Variants in PIGN observed in about 807,000 individuals in gnomAD.
PIGN encodes the protein GPI ethanolamine phosphate transferase 1.
A neutral mutation model predicts 125.4 loss-of-function variants in PIGN; 117 were observed. The observed-to-expected ratio is 0.93, with a 90% CI of 0.80 to 1.09. The LOEUF is 1.09. PIGN is among the 50% of genes least tolerant of loss of function. The pLI is 0.00. For missense variants in PIGN, 1,075 were observed against 1,094.9 expected (o/e 0.98, Z 0.26); for synonymous variants, 392 against 377.8 (o/e 1.04, Z -0.44).
At chr18:62,083,622 T>G (rs539395861) in intron 27 of PIGN, among the ~76,000 whole-genome samples, 41 of 152,146 alleles carry the variant, frequency 2.7e-4, no homozygotes, top group Admixed American at 1.5e-3. Flanking sequence ...TGTCTTTCTT[T>G]CTTGCTTGCT....
At chr18:62,086,616 T>TG (rs1248280388) in intron 25 of PIGN, among the ~76,000 whole-genome samples, 2 of 105,176 alleles carry the variant, frequency 1.9e-5, no homozygotes, top group Non-Finnish European at 3.7e-5. Flanking sequence ...ACTCCGTTTT[T>TG]TGTTTTTTTT....
chr18:62,027,340 G>A (rs778896825), intron 23 of PIGN, among the ~76,000 whole-genome samples: 1 of 152,226 alleles, frequency 6.6e-6, no homozygotes, highest in East Asian at 1.9e-4. Flanking sequence ...ATTTTGTCAA[G>A]GTTGAGGACA....
intron 29 of PIGN, among the ~76,000 whole-genome samples, chr18:62,073,399 C>T (rs947269963): frequency 3.9e-5 from 6 of 152,072 alleles, no homozygotes; most frequent in African/African-American, 9.7e-5. Context: ...CCTATATATA[C>T]ATCAAGAGTC....
intron 7 of PIGN, among the ~76,000 whole-genome samples, chr18:62,151,745 G>T (rs2036543360): frequency 1.3e-5 from 2 of 152,204 alleles, no homozygotes; most frequent in Admixed American, 6.5e-5. Context: ...TCTGCCTTAT[G>T]ACCCCCAGTC....
intron 14 of PIGN, among the ~76,000 whole-genome samples, chr18:62,119,353 C>T (rs191916212): frequency 6.6e-6 from 1 of 151,862 alleles, no homozygotes; most frequent in East Asian, 1.9e-4. Flanking sequence ...GGTACAGATG[C>T]TAAAATAATT....
intron 23 of PIGN, among the ~76,000 whole-genome samples, chr18:62,022,334 G>A (rs534880429): frequency 6.6e-6 from 1 of 152,272 alleles, no homozygotes; most frequent in African/African-American, 2.4e-5. Context: ...TTTAACCTTA[G>A]TTAATAAACA....
intron 1 of PIGN, among the ~76,000 whole-genome samples, chr18:62,181,191 A>T (rs1178085670): frequency 6.6e-6 from 1 of 152,194 alleles, no homozygotes; most frequent in East Asian, 1.9e-4. Flanking sequence ...ATAATAAAAA[A>T]TTGGAAACAA....
chr18:62,145,895 AG>A lies in PIGN; in HGVS notation c.922+13del. On this transcript the variant is annotated intron_variant, in intron 10 of 30. Coordinates refer to ENST00000640252, the MANE Select transcript of PIGN (RefSeq NM_176787.5). The stretch of plus-strand genomic sequence containing the variant: ...AGAGGTTGTATTTATAAACCAGTAA[AG>A]AAATGCTTGTACCTTTCAAAAATGC... 3 of 1,278,568 alleles carry A rather than the reference AG, an allele frequency of 2.3e-6. No individual in the cohort carries two copies. Among genetic ancestry groups the A allele is most frequent in the Non-Finnish European group, 3.4e-6 (3 of 879,790 alleles). The allele number at this position is 1,278,568 out of a possible 1,614,324, so 79.2% of individuals were successfully genotyped here. A position where few individuals can be genotyped will look rare whatever the true frequency, so the allele number is the denominator to read the frequency against.
At chr18:62,083,287 A>C (rs980073138) in intron 27 of PIGN, among the ~76,000 whole-genome samples, 1 of 152,284 alleles carries the variant, frequency 6.6e-6, no homozygotes, top group Non-Finnish European at 1.5e-5. Flanking sequence ...AACATTTGAA[A>C]TAAAGCTATA....
chr18:62,104,569 C>T (rs971886802), intron 20 of PIGN, among the ~76,000 whole-genome samples: 1 of 152,128 alleles, frequency 6.6e-6, no homozygotes, highest in Admixed American at 6.6e-5. Flanking sequence ...GAATTCAATA[C>T]AATTATTTTG....
chr18:62,106,782 C>A lies in PIGN; in HGVS notation c.1767+7G>T, dbSNP rs781521846. The A allele has an allele frequency of 6.3e-7, 1 of 1,587,734 alleles. No individual in the cohort carries two copies. Among genetic ancestry groups the A allele is most frequent in the South Asian group, 1.1e-5 (1 of 88,040 alleles). On this transcript the variant is annotated splice_region_variant and intron_variant, in intron 19 of 30. Coordinates refer to ENST00000640252, the MANE Select transcript of PIGN (RefSeq NM_176787.5). ...AATCTGTCCTATGTCAAAATGAGTA[C>A]TCATACCTTTGCTCGAGTCCACAGC...
At chr18:62,027,719 GT>G (rs2144879059) in intron 23 of PIGN, among the ~76,000 whole-genome samples, 1 of 152,212 alleles carries the variant, frequency 6.6e-6, no homozygotes, top group South Asian at 2.1e-4. Context: ...GCAATTTTGG[GT>G]CGCCAAGATT....
In PIGN at chr18:62,143,315, A is replaced by T; in HGVS notation, c.954T>A (p.Asp318Glu). The T allele has an allele frequency of 6.6e-7, 1 of 1,518,942 alleles. No individual in the cohort carries two copies. Among genetic ancestry groups the T allele is most frequent in the Middle Eastern group, 1.7e-4 (1 of 5,884 alleles). The allele number at this position is 1,518,942 out of a possible 1,614,324, so 94.1% of individuals were successfully genotyped here. Residue 318 changes from aspartate to glutamate, a missense_variant, in exon 11 of 31, where the codon GAT becomes GAA. Physicochemically the swap from Asp to Glu is conservative, Grantham distance 45. This residue lies in a region of PIGN where 915 missense variants were observed against 908.7 expected (regional missense o/e 1.01). Coordinates refer to ENST00000640252, the MANE Select transcript of PIGN (RefSeq NM_176787.5). ...AAATCGAACTGGATACCTGATTGAC[A>T]TCTAGCCTCTTCCAATTCTCCAATC... ...EWRLENWKRL[D>E]VNQADIAPLM...
chr18:62,122,348 T>C (rs1219763560), intron 14 of PIGN, among the ~76,000 whole-genome samples: 4 of 152,158 alleles, frequency 2.6e-5, no homozygotes, highest in Non-Finnish European at 5.9e-5. Context: ...AATTCCTAGA[T>C]TACTCATATA....
chr18:62,096,001 A>T (rs1447274859), intron 22 of PIGN, 51 bp from the exon 23 acceptor site: 2 of 1,243,388 alleles, frequency 1.6e-6, no homozygotes, highest in South Asian at 2.5e-5. Context: ...CACAAAAAAA[A>T]TGTTAGCGTA....
intron 23 of PIGN, among the ~76,000 whole-genome samples, chr18:62,090,941 T>G (rs934706998): frequency 6.6e-6 from 1 of 152,118 alleles, no homozygotes; most frequent in African/African-American, 2.4e-5. Context: ...AGGAACACTC[T>G]AAATTTTCAA....
At chr18:62,053,354 T>C (rs1011241472) in intron 30 of PIGN, among the ~76,000 whole-genome samples, 1 of 152,096 alleles carries the variant, frequency 6.6e-6, no homozygotes, top group African/African-American at 2.4e-5. Context: ...TTCTATAAAA[T>C]GTTCAAGTAA....
intron 14 of PIGN, among the ~76,000 whole-genome samples, chr18:62,131,541 G>C (rs1476433693): frequency 6.6e-6 from 1 of 152,110 alleles, no homozygotes; most frequent in Non-Finnish European, 1.5e-5. Context: ...ACCAGGGTCT[G>C]CCAGACCCAA....
At chr18:62,050,517 A>G (rs1374348594) in intron 30 of PIGN, among the ~76,000 whole-genome samples, 1 of 151,084 alleles carries the variant, frequency 6.6e-6, no homozygotes, top group Non-Finnish European at 1.5e-5. Context: ...TTGTTGGTGT[A>G]TAAGAATGCT....
Sources: allele counts gnomAD v4.1 joint callset (sites outside exome capture counted in the v4.1 genomes callset), GRCh38; gene constraint gnomAD v4.1.1; regional missense constraint gnomAD v4.1.1; transcripts MANE v1.5; gene names NCBI Gene and HGNC (gene_info 2026-07-23, HGNC 2026-07-21).